The following RAP1GDS1 variants were observed in gnomAD, a reference collection of about 807,000 sequenced individuals.
The protein encoded by RAP1GDS1 is RAP1, GTP-GDP dissociation stimulator 1.
Under a neutral mutation model 71.1 loss-of-function variants are expected in RAP1GDS1, and 35 were observed. The ratio of observed to expected loss-of-function variants is 0.49; its 90% CI spans 0.38 to 0.65. The LOEUF (loss-of-function observed/expected upper bound fraction) is 0.65, where lower values mean the gene tolerates loss of function less well. Among genes scored for constraint, RAP1GDS1 ranks in the 30% least tolerant of loss-of-function variants. The pLI is 0.00. For missense variants in RAP1GDS1, 663 were observed against 706.1 expected (o/e 0.94, Z 0.69); for synonymous variants, 229 against 243.1 (o/e 0.94, Z 0.54).
Position 98,443,352 on chromosome 4 carries a change from T to C in RAP1GDS1, c.*1235T>C, listed in dbSNP as rs1027924395. 2 of 231,398 alleles carry C rather than the reference T, an allele frequency of 8.6e-6. No individual in the cohort carries two copies. The highest frequency in any genetic ancestry group is 4.4e-5 in the African/African-American group (2 of 45,216). 14.3% of individuals were successfully genotyped at this position (231,398 alleles called of 1,614,324 possible). ...TGGCGAAATATAGTGTACTCTTCAC[T>C]GCCACTGCCACCACCAAATGGGTTT... On this transcript the variant is annotated 3_prime_UTR_variant, in exon 15 of 15. Coordinates refer to ENST00000408927, the MANE Select transcript of RAP1GDS1 (RefSeq NM_001100427.2).
intron 13 of RAP1GDS1, among the ~76,000 whole-genome samples, chr4:98,435,970 C>T (rs1751070174): frequency 6.6e-6 from 1 of 151,208 alleles, no homozygotes; most frequent in Non-Finnish European, 1.5e-5. Context: ...ACTTGAGAGG[C>T]TGAGGCAGGA....
At chr4:98,364,799 T>C (rs1238355348) in intron 4 of RAP1GDS1, among the ~76,000 whole-genome samples, 1 of 151,654 alleles carries the variant, frequency 6.6e-6, no homozygotes, top group Non-Finnish European at 1.5e-5. Flanking sequence ...AGGCTAAGGC[T>C]GGAGGATCAC....
intron 3 of RAP1GDS1, among the ~76,000 whole-genome samples, chr4:98,351,127 C>T (rs1737121084): frequency 6.6e-6 from 1 of 152,138 alleles, no homozygotes; most frequent in Non-Finnish European, 1.5e-5. Context: ...TGAACATGTA[C>T]AGCATAATTC....
chr4:98,352,176 C>T (rs563420675), intron 3 of RAP1GDS1, among the ~76,000 whole-genome samples: 24 of 151,926 alleles, frequency 1.6e-4, no homozygotes, highest in Admixed American at 7.9e-4. Context: ...ATCGTTATTA[C>T]GAGAAGATAG....
chr4:98,412,994 C>T (rs958695255), intron 7 of RAP1GDS1, among the ~76,000 whole-genome samples: 1 of 152,116 alleles, frequency 6.6e-6, no homozygotes, highest in Non-Finnish European at 1.5e-5. Flanking sequence ...CACGTATTAT[C>T]TTGATAAACA....
At chr4:98,304,041 T>C (rs1182800587) in intron 2 of RAP1GDS1, among the ~76,000 whole-genome samples, 1 of 152,164 alleles carries the variant, frequency 6.6e-6, no homozygotes, top group African/African-American at 2.4e-5. Flanking sequence ...TCTAATTCCT[T>C]TTTATGGCTG....
At chr4:98,381,353 G>A (rs541660911) in intron 5 of RAP1GDS1, among the ~76,000 whole-genome samples, 2 of 151,570 alleles carry the variant, frequency 1.3e-5, no homozygotes, top group South Asian at 2.1e-4. Flanking sequence ...TGTCTGTCAC[G>A]AGTGTCTTAA....
intron 2 of RAP1GDS1, among the ~76,000 whole-genome samples, chr4:98,307,059 A>G (rs1729426915): frequency 1.3e-5 from 2 of 152,010 alleles, no homozygotes; most frequent in South Asian, 4.1e-4. Flanking sequence ...TCTTCTTATT[A>G]TAATTAATTT....
intron 2 of RAP1GDS1, among the ~76,000 whole-genome samples, chr4:98,324,864 A>G (rs1732694413): frequency 6.6e-6 from 1 of 152,292 alleles, no homozygotes; most frequent in South Asian, 2.1e-4. Flanking sequence ...AGCGTGGGCA[A>G]GGACTTCATG....
intron 4 of RAP1GDS1, among the ~76,000 whole-genome samples, chr4:98,378,543 A>G (rs1741515643): frequency 6.6e-6 from 1 of 152,018 alleles, no homozygotes; most frequent in Admixed American, 6.6e-5. Context: ...GCTATTATCA[A>G]AGACATAATA....
rs199602742 is a variant in RAP1GDS1, at chr4:98,418,705, T to C, written c.1088T>C (p.Met363Thr). 83 of 1,611,922 alleles carry C rather than the reference T, an allele frequency of 5.1e-5. No homozygotes were observed. Among genetic ancestry groups the C allele is most frequent in the African/African-American group, 4.9e-4 (37 of 74,866 alleles). ...MVDNGIVEKL[M>T]DLLDRHVEDG... The stretch of plus-strand genomic sequence containing the variant: ...GACAATGGGATTGTAGAAAAACTTA[T>C]GGATTTACTGGACAGACATGTAGAA... Residue 363 changes from methionine to threonine, a missense_variant, in exon 10 of 15, where the codon ATG becomes ACG. Met to Thr is a moderately conservative substitution (Grantham distance 81, BLOSUM62 -1). Transcript: ENST00000408927.
chr4:98,374,855 T>A (rs1391237440), intron 4 of RAP1GDS1, among the ~76,000 whole-genome samples: 1 of 152,178 alleles, frequency 6.6e-6, no homozygotes, highest in Admixed American at 6.5e-5. Context: ...TTTTCTGTGC[T>A]CTTGCTCCTC....
intron 7 of RAP1GDS1, among the ~76,000 whole-genome samples, chr4:98,416,159 C>T (rs1747954457): frequency 6.6e-6 from 1 of 152,010 alleles, no homozygotes; most frequent in African/African-American, 2.4e-5. Context: ...ATACTAGTTG[C>T]TTTCAGAGCT....
chr4:98,287,173 A>C (rs1391147402), intron 1 of RAP1GDS1, among the ~76,000 whole-genome samples: 1 of 152,168 alleles, frequency 6.6e-6, no homozygotes, highest in Non-Finnish European at 1.5e-5. Flanking sequence ...TCCTAGAGGA[A>C]TTTTCAATCT....
Position 98,288,338 on chromosome 4 carries a change from A to G in RAP1GDS1, c.5-5070A>G, listed in dbSNP as rs539872394. ...AGAATGATGGTTTCCAGCTTCATCCATGTTCCTACAAAGGACATGAACTCA... is the reference window on the plus strand; with the variant it reads ...AGAATGATGGTTTCCAGCTTCATCCGTGTTCCTACAAAGGACATGAACTCA... On this transcript the variant is annotated intron_variant, in intron 1 of 14. Coordinates refer to ENST00000408927, the MANE Select transcript of RAP1GDS1 (RefSeq NM_001100427.2). Among the ~76,000 whole-genome samples the G allele has an allele frequency of 3.3e-5, 5 of 152,232 alleles. No individual in the cohort carries two copies. In the East Asian group the frequency reaches 7.7e-4, roughly 24 times the overall value.
intron 1 of RAP1GDS1, among the ~76,000 whole-genome samples, chr4:98,264,817 G>C (rs145232558): frequency 4.6e-5 from 7 of 152,274 alleles, no homozygotes; most frequent in African/African-American, 1.7e-4. Flanking sequence ...GTTGGTCTGG[G>C]GTTGGAAGAG....
chr4:98,312,789 G>A (rs1730422923), intron 2 of RAP1GDS1, among the ~76,000 whole-genome samples: 1 of 151,886 alleles, frequency 6.6e-6, no homozygotes, highest in African/African-American at 2.4e-5. Flanking sequence ...TTATTTAAGG[G>A]CTGGTCACGG....
At chr4:98,323,449 G>A (rs1265414941) in intron 2 of RAP1GDS1, among the ~76,000 whole-genome samples, 1 of 102,790 alleles carries the variant, frequency 9.7e-6, no homozygotes, top group Non-Finnish European at 1.9e-5. Context: ...TGATACCAAA[G>A]CCGGGCAGAG....
chr4:98,308,544 A>G (rs1205342190), intron 2 of RAP1GDS1, among the ~76,000 whole-genome samples: 2 of 151,738 alleles, frequency 1.3e-5, no homozygotes, highest in Non-Finnish European at 2.9e-5. Context: ...TGCCGAATTA[A>G]TGTGTTGAAA....
Sources: gnomAD v4.1 joint callset for allele counts (sites outside exome capture counted in the v4.1 genomes callset) on GRCh38, gnomAD v4.1.1 for gene constraint, MANE v1.5 for transcripts, NCBI Gene and HGNC (gene_info 2026-07-23, HGNC 2026-07-21) for gene names.